The following GAREM1 variants were observed in gnomAD, a reference collection of about 807,000 sequenced individuals.
The protein encoded by GAREM1 is GRB2 associated regulator of MAPK1 subtype 1.
GAREM1 carries 26 observed loss-of-function variants against 71.3 expected under a neutral mutation model. The ratio of observed to expected loss-of-function variants is 0.36; its 90% CI spans 0.27 to 0.51. GAREM1 has a LOEUF of 0.51. Among genes scored for constraint, GAREM1 ranks in the 20% least tolerant of loss-of-function variants. GAREM1 has a pLI of 0.95. For missense variants in GAREM1, 1,026 were observed against 1,103.1 expected (o/e 0.93, Z 0.99); for synonymous variants, 440 against 433.2 (o/e 1.02, Z -0.20).
In GAREM1 at chr18:32,264,679, G is replaced by GT. The variant is rs2041349297; in HGVS notation, c.*3191dup. 1.3e-5 allele frequency: 2 copies of GT among 152,344 alleles called. No individual in the cohort carries two copies. The highest frequency in any genetic ancestry group is 2.1e-4 in the South Asian group (1 of 4,822). 9.4% of individuals were successfully genotyped at this position (152,344 alleles called of 1,614,324 possible). A position where few individuals can be genotyped will look rare whatever the true frequency, so the allele number is the denominator to read the frequency against. ...AATGATATATGTGGGTTGAAAGAAT[G>GT]TAAGTAAATTTCACAGTTCATAAAG... On this transcript the variant is annotated 3_prime_UTR_variant, in exon 6 of 6. Coordinates refer to ENST00000269209, the MANE Select transcript of GAREM1 (RefSeq NM_001242409.2).
At chr18:32,423,904 TGGGA>T (rs978451233) in intron 1 of GAREM1, among the ~76,000 whole-genome samples, 1 of 152,026 alleles carries the variant, frequency 6.6e-6, no homozygotes, top group Non-Finnish European at 1.5e-5. Context: ...GAGGCTGAAG[TGGGA>T]GGATCACTTG....
chr18:32,348,482 G>C (rs2047717079), intron 2 of GAREM1, among the ~76,000 whole-genome samples: 4 of 152,044 alleles, frequency 2.6e-5, no homozygotes, highest in Non-Finnish European at 5.9e-5. Flanking sequence ...CCAGCACTTT[G>C]GGAGGCTGAA....
chr18:32,450,416 A>C (rs1418390527), intron 1 of GAREM1, among the ~76,000 whole-genome samples: 2 of 152,192 alleles, frequency 1.3e-5, no homozygotes, highest in Non-Finnish European at 2.9e-5. Flanking sequence ...AAGTTCTAAT[A>C]AGCTGCTAAA....
chr18:32,334,270 C>T (rs1012427039), intron 2 of GAREM1, among the ~76,000 whole-genome samples: 9 of 151,970 alleles, frequency 5.9e-5, no homozygotes, highest in South Asian at 2.1e-4. Flanking sequence ...GGATGTGCGA[C>T]GAGAAAGCCC....
intron 3 of GAREM1, among the ~76,000 whole-genome samples, chr18:32,302,358 C>T (rs1186019227): frequency 6.6e-6 from 1 of 152,168 alleles, no homozygotes; most frequent in East Asian, 1.9e-4. Flanking sequence ...TATAAACTTC[C>T]TAGTCCTGTT....
intron 2 of GAREM1, among the ~76,000 whole-genome samples, chr18:32,345,743 G>T (rs78848979): frequency 0.015 from 2,347 of 152,290 alleles, 48 homozygotes; most frequent in Non-Finnish European, 0.017. Context: ...AACTTGACCT[G>T]GATCTGAGAA....
intron 4 of GAREM1, among the ~76,000 whole-genome samples, chr18:32,279,892 C>A (rs2041591840): frequency 6.6e-6 from 1 of 152,050 alleles, no homozygotes; most frequent in Non-Finnish European, 1.5e-5. Context: ...TTAAAAAGAA[C>A]CTACATGAAA....
At chr18:32,374,816 T>C (rs2048017093) in intron 2 of GAREM1, among the ~76,000 whole-genome samples, 1 of 152,190 alleles carries the variant, frequency 6.6e-6, no homozygotes, top group Non-Finnish European at 1.5e-5. Context: ...AATGCAAAGA[T>C]AAATGAAATA....
At chr18:32,273,096 G>C (rs998579207) in intron 4 of GAREM1, among the ~76,000 whole-genome samples, 1 of 152,208 alleles carries the variant, frequency 6.6e-6, no homozygotes. Flanking sequence ...TATAGAAATA[G>C]GGCGCATGGA....
Position 32,287,826 on chromosome 18 carries a change from T to C in GAREM1, c.771A>G (p.Arg257=), listed in dbSNP as rs1209628846. Residue 257 remains arginine (R), a synonymous_variant, in exon 4 of 6, where the codon AGA becomes AGG. Coordinates refer to ENST00000269209, the MANE Select transcript of GAREM1 (RefSeq NM_001242409.2). This position sits in a 1 kb window ranked among gnomAD's most constrained non-coding sequence, Gnocchi z 5.9. ...GGATGAAGTGGAGGTCGTATGGGTT[T>C]CTCGGTGGAGGGCTTGGCACAGTCA... The part of the protein sequence containing the change: ...VNVTVPSPPP[R]NPYDLHFIRE... 2.6e-5 allele frequency: 42 copies of C among 1,613,850 alleles called. No individual in the cohort carries two copies. The highest frequency in any genetic ancestry group is 3.3e-4 in the Middle Eastern group (2 of 6,062).
At chr18:32,453,957 T>C (rs936452940) in intron 1 of GAREM1, among the ~76,000 whole-genome samples, 2 of 152,056 alleles carry the variant, frequency 1.3e-5, no homozygotes, top group Non-Finnish European at 2.9e-5. Flanking sequence ...TCTGCCTTCA[T>C]AGAGGTCAGA....
chr18:32,335,589 A>T (rs181087706), intron 2 of GAREM1, among the ~76,000 whole-genome samples: 19 of 152,348 alleles, frequency 1.2e-4, no homozygotes, highest in Admixed American at 1.1e-3. Context: ...ACTATGTTCA[A>T]TTACCTCAGG....
At chr18:32,412,359 A>C (rs2048428468) in intron 1 of GAREM1, 1 of 1,592,788 alleles carries the variant, frequency 6.3e-7, no homozygotes, top group Admixed American at 1.7e-5. Context: ...CATGGGTCCA[A>C]AATTTGAAGA....
chr18:32,387,033 T>A (rs1471725710), intron 2 of GAREM1, among the ~76,000 whole-genome samples: 2 of 108,352 alleles, frequency 1.8e-5, no homozygotes, highest in East Asian at 2.3e-4. Flanking sequence ...CTTTTTTTTT[T>A]TAAAAAAAAA....
chr18:32,350,805 C>A (rs1175329230), intron 2 of GAREM1, among the ~76,000 whole-genome samples: 1 of 152,134 alleles, frequency 6.6e-6, no homozygotes, highest in Non-Finnish European at 1.5e-5. Context: ...TGAAACCCAA[C>A]TGGTCAAGCT....
intron 2 of GAREM1, among the ~76,000 whole-genome samples, chr18:32,346,199 A>C (rs976039690): frequency 6.6e-6 from 1 of 152,194 alleles, no homozygotes; most frequent in African/African-American, 2.4e-5. Flanking sequence ...TTAAGATAGA[A>C]TACATTTCCC....
intron 1 of GAREM1, among the ~76,000 whole-genome samples, chr18:32,455,107 T>C (rs1247015043): frequency 2.0e-5 from 3 of 152,238 alleles, no homozygotes; most frequent in African/African-American, 4.8e-5. Context: ...GGTTATGTAG[T>C]AGACAAAATC....
At chr18:32,318,050 C>A (rs927540492) in intron 2 of GAREM1, among the ~76,000 whole-genome samples, 1 of 152,162 alleles carries the variant, frequency 6.6e-6, no homozygotes, top group Non-Finnish European at 1.5e-5. Flanking sequence ...GAGGAAGCTG[C>A]ATTGTCTTTC....
chr18:32,443,312 T>C (rs944612538), intron 1 of GAREM1, among the ~76,000 whole-genome samples: 2 of 152,102 alleles, frequency 1.3e-5, no homozygotes, highest in Admixed American at 6.6e-5. Flanking sequence ...AAATTAAAAT[T>C]TTTGTGCTTC....
Sources: gnomAD v4.1 joint callset for allele counts (sites outside exome capture counted in the v4.1 genomes callset) on GRCh38, gnomAD v4.1.1 for gene constraint, Gnocchi (gnomAD v3.1) non-coding constraint, MANE v1.5 for transcripts, NCBI Gene and HGNC (gene_info 2026-07-23, HGNC 2026-07-21) for gene names.